LRRC71: variants seen among roughly 807,000 people sequenced by gnomAD.
The protein encoded by LRRC71 is leucine-rich repeat-containing protein 71.
A neutral mutation model predicts 66.6 loss-of-function variants in LRRC71; 54 were observed. The ratio of observed to expected loss-of-function variants is 0.81; its 90% confidence interval spans 0.65 to 1.02. The LOEUF is 1.02. LRRC71 is among the 50% of genes least tolerant of loss of function. LRRC71 has a pLI of 0.00. For synonymous variants in LRRC71, 323 were observed against 303.9 expected, an observed-to-expected ratio of 1.06 and a Z score of -0.65; for missense variants, 724 against 718.0, an observed-to-expected ratio of 1.01 and a Z score of -0.10.
In LRRC71 at chr1:156,924,669, G is replaced by C; in HGVS notation, c.466G>C (p.Gly156Arg). 6.4e-7 allele frequency: 1 copy of C among 1,551,670 alleles called. No individual in the cohort carries two copies. The highest frequency in any genetic ancestry group is 1.2e-5 in the South Asian group (1 of 84,054). Residue 156 changes from glycine (G) to arginine (R), a missense_variant, in exon 4 of 15, where the codon GGT (glycine) becomes CGT (arginine). Physicochemically the swap from Gly to Arg is moderately radical, Grantham distance 125. Transcript: ENST00000337428. ...RGWKVEERIL[G>R]VFSKCLPPLT... ...TTGGAAGGTTGAGGAACGGATTCTG[G>C]GTGTCTTCTCTAAATGTCTGCCCCC...
In LRRC71 at chr1:156,928,366, T is replaced by C. The variant is rs112535946; in HGVS notation, c.996+362T>C. ...TTCTTTCTTTCTCTTCTTCTTCCTC[T>C]TCTTCTTCTTCTTCTTCTTCTTCTT... On this transcript the variant is annotated intron_variant, in intron 9 of 14. Coordinates refer to ENST00000337428, the MANE Select transcript of LRRC71 (RefSeq NM_144702.3). Among the ~76,000 whole-genome samples, 55 of 70,936 alleles carry C rather than the reference T, an allele frequency of 7.8e-4. 1 individual carries two copies. Among genetic ancestry groups the C allele is most frequent in the South Asian group, 2.0e-3 (4 of 2,004 alleles). 46.5% of individuals were successfully genotyped at this position (70,936 alleles called of 152,430 possible).
At chr1:156,938,589 GA>G in the LRRC71 span, 1 of 1,444,232 alleles carries the variant, frequency 6.9e-7, no homozygotes, top group Non-Finnish European at 9.6e-7. Flanking sequence ...GAACAGGAAG[GA>G]GAGAGGGCAG....
In LRRC71 at chr1:156,923,962, C is replaced by A. The variant is rs1302373313; in HGVS notation, c.174C>A (p.Cys58Ter). The change falls in exon 2 of 15, where the codon TGC becomes TGA. Residue 58 changes from cysteine (C) to a stop codon, truncating the protein, a stop_gained. Coordinates refer to ENST00000337428, the MANE Select transcript of LRRC71 (RefSeq NM_144702.3). LOFTEE classifies it high-confidence loss of function. ...CTGCCCCCGCAGAGGAGTACCAGTGCTCCGGGGTCCTCGAGACCGACTTCG... is the reference window on the plus strand; with the variant it reads ...CTGCCCCCGCAGAGGAGTACCAGTGATCCGGGGTCCTCGAGACCGACTTCG... ...EEPKSPEEYQCSGVLETDFAE... is the reference protein window; with the variant it reads ...EEPKSPEEYQ The A allele has an allele frequency of 6.6e-7, 1 of 1,523,846 alleles. No homozygotes were observed. Among genetic ancestry groups the A allele is most frequent in the Non-Finnish European group, 8.8e-7 (1 of 1,132,870 alleles). The allele number at this position is 1,523,846 out of a possible 1,614,324, so 94.4% of individuals were successfully genotyped here.
At chr1:156,938,760 C>T in the LRRC71 span, 1 of 466,636 alleles carries the variant, frequency 2.1e-6, no homozygotes, top group Non-Finnish European at 3.8e-6. Flanking sequence ...GGCCCTTGGG[C>T]AGATGGAATG....
rs774507091 is a variant in LRRC71 at position 156,927,741 on chromosome 1, G to A, written c.831G>A (p.Arg277=). 3.1e-6 allele frequency: 5 copies of A among 1,609,668 alleles called. No individual in the cohort carries two copies. Among genetic ancestry groups the A allele is most frequent in the Admixed American group, 3.3e-5 (2 of 60,002 alleles). Residue 277 remains arginine (R), a synonymous_variant, in exon 8 of 15, where the codon CGG becomes CGA. Coordinates refer to ENST00000337428, the MANE Select transcript of LRRC71 (RefSeq NM_144702.3). ...CCCTGCCCGCCTCTTAGGGCCTCCG[G>A]CTGAACCGTTCCCTGCTCTGGCTGT... The part of the protein sequence containing the change: ...EGAGYIADGL[R]LNRSLLWLSL...
chr1:156,936,507 T>TATATAG (rs1655331966), downstream of LRRC71, among the ~76,000 whole-genome samples: 1 of 122,774 alleles, frequency 8.1e-6, no homozygotes, highest in Non-Finnish European at 1.6e-5. Context: ...AATATATATA[T>TATATAG]ATATATATAT....
At chr1:156,939,881 TCCACAGGATC>T in the LRRC71 span, 1 of 1,608,272 alleles carries the variant, frequency 6.2e-7, no homozygotes, top group Non-Finnish European at 8.5e-7. Context: ...GGCAGCAGGC[TCCACAGGATC>T]AGATGTCGCA....
Position 156,926,279 on chromosome 1 carries a change from T to C in LRRC71, c.594-923T>C, listed in dbSNP as rs547204063. 4.4e-4 allele frequency among the ~76,000 whole-genome samples: 67 copies of C among 152,324 alleles called. 1 individual carries two copies. The highest frequency in any genetic ancestry group is 1.6e-3 in the African/African-American group (67 of 41,572). ...ACCTGGGGGTGGGCTAGCTGAGTGC[T>C]CTGGCTCAGGGTTTGAGGTTGCGGT... On this transcript the variant is annotated intron_variant, in intron 5 of 14. Coordinates refer to ENST00000337428, the MANE Select transcript of LRRC71 (RefSeq NM_144702.3).
rs1450295921 is a variant in LRRC71, at chr1:156,920,652, G to A, written c.-152G>A. ...GCGCGGTTGTCTTGGAGAGGGACGC[G>A]TAGGCTACGCCACCGCGGACGGGTC... On this transcript the variant is annotated 5_prime_UTR_variant, in exon 1 of 15. Transcript: ENST00000337428. This position sits in a 1 kb window ranked among gnomAD's most constrained non-coding sequence, Gnocchi z 4.9. 54 of 991,286 alleles carry A rather than the reference G, an allele frequency of 5.4e-5. No homozygotes were observed. Among genetic ancestry groups the A allele is most frequent in the Non-Finnish European group, 6.8e-5 (51 of 748,226 alleles). 61.4% of individuals were successfully genotyped at this position (991,286 alleles called of 1,614,324 possible). A position where few individuals can be genotyped will look rare whatever the true frequency, so the allele number is the denominator to read the frequency against.
downstream of LRRC71, chr1:156,935,289 G>T (rs1453591202): frequency 6.6e-6 from 1 of 152,206 alleles, no homozygotes; most frequent in Non-Finnish European, 1.5e-5. Context: ...GCAAGCTGTG[G>T]AGGGCAGGCT....
intron 1 of LRRC71, chr1:156,921,651 T>C: frequency 1.0e-6 from 1 of 984,396 alleles, no homozygotes; most frequent in Non-Finnish European, 1.2e-6. Flanking sequence ...AACAACATCT[T>C]CTGGAAGGGA....
At chr1:156,930,063 TC>T (rs1208587179) in intron 11 of LRRC71, among the ~76,000 whole-genome samples, 1 of 128,066 alleles carries the variant, frequency 7.8e-6, no homozygotes, top group African/African-American at 3.2e-5. Context: ...TCTTTCTTTT[TC>T]TTTCTTTCTT....
At position 156,924,023 on chromosome 1, in the gene LRRC71, C is replaced by G; in HGVS notation, c.235C>G (p.Pro79Ala). Reference protein sequence around the residue: ...LCTRWGYTDFPKVVNRPRPHP... With the variant: ...LCTRWGYTDFAKVVNRPRPHP... ...CACGCGGTGGGGCTACACGGACTTC[C>G]CCAAAGTTGTCAACCGGCCCCGCCC... The change falls in exon 2 of 15, where the codon CCC becomes GCC. Residue 79 changes from proline (P) to alanine (A), a missense_variant. Pro to Ala is a conservative substitution (Grantham distance 27). Coordinates refer to ENST00000337428, the MANE Select transcript of LRRC71 (RefSeq NM_144702.3). 1 of 1,548,636 alleles carries G rather than the reference C, an allele frequency of 6.5e-7. No individual in the cohort carries two copies. Among genetic ancestry groups the G allele is most frequent in the Non-Finnish European group, 8.7e-7 (1 of 1,146,196 alleles).
At chr1:156,924,277 A>G in intron 2 of LRRC71, 147 bp from the exon 3 acceptor site, 9 of 1,312,844 alleles carry the variant, frequency 6.9e-6, no homozygotes, top group Non-Finnish European at 9.3e-6. Context: ...AACCCAGCAG[A>G]GGCGCGAGTG....
chr1:156,927,952 T>C lies in LRRC71; in HGVS notation c.944T>C (p.Val315Ala), dbSNP rs1653495081. ...RAFELTHTEV[V>A]ERRRLLLEKG... ...TTCGAGCTGACACACACCGAAGTGGTGGAGCGCCGACGCCTCCTGCTGGAA... is the reference window on the plus strand; with the variant it reads ...TTCGAGCTGACACACACCGAAGTGGCGGAGCGCCGACGCCTCCTGCTGGAA... Residue 315 changes from valine (V) to alanine (A), a missense_variant, in exon 9 of 15, where the codon GTG (valine) becomes GCG (alanine). By Grantham distance (64) the Val-to-Ala change is moderately conservative (BLOSUM62 0). Transcript: ENST00000337428. 4 of 1,611,740 alleles carry C rather than the reference T, an allele frequency of 2.5e-6. No individual in the cohort carries two copies. Among genetic ancestry groups the C allele is most frequent in the Non-Finnish European group, 3.4e-6 (4 of 1,179,262 alleles).
the LRRC71 span, chr1:156,939,655 G>C: frequency 6.2e-7 from 1 of 1,613,898 alleles, no homozygotes; most frequent in Admixed American, 1.7e-5. Flanking sequence ...TCTGGTCCTT[G>C]GGGGTAGGTG....
chr1:156,927,345 C>A, intron 6 of LRRC71, 75 bp downstream of exon 6: 2 of 1,561,146 alleles, frequency 1.3e-6, no homozygotes, highest in Admixed American at 3.4e-5. Context: ...CCCCGCCCTT[C>A]CTTGTCCCCC....
Position 156,924,947 on chromosome 1 carries a change from G to A in LRRC71, c.525G>A (p.Lys175=). ...TTCCCGCCCACGACAGCTTGTGGAA[G>A]GTGGGGCTGACCGATAAGACCCTGA... is the stretch of plus-strand genomic sequence containing the variant. ...LTQLQAINLW[K]VGLTDKTLTT... Residue 175 remains lysine, a synonymous_variant, in exon 5 of 15, where the codon AAG becomes AAA. Coordinates refer to ENST00000337428, the MANE Select transcript of LRRC71 (RefSeq NM_144702.3). 1 of 1,551,708 alleles carries A rather than the reference G, an allele frequency of 6.4e-7. No individual in the cohort carries two copies. The highest frequency in any genetic ancestry group is 8.7e-7 in the Non-Finnish European group (1 of 1,147,000).
intron 1 of LRRC71, among the ~76,000 whole-genome samples, chr1:156,922,007 C>T (rs536167947): frequency 6.6e-6 from 1 of 151,974 alleles, no homozygotes; most frequent in Non-Finnish European, 1.5e-5. Context: ...CTGGACTGGG[C>T]ACTGGGTGGG....
Sources: gnomAD v4.1 joint callset for allele counts (sites outside exome capture counted in the v4.1 genomes callset) on GRCh38, gnomAD v4.1.1 for gene constraint, Gnocchi (gnomAD v3.1) non-coding constraint, MANE v1.5 for transcripts, NCBI Gene and HGNC (gene_info 2026-07-23, HGNC 2026-07-21) for gene names.